PCDH9: variants seen among roughly 807,000 people sequenced by gnomAD.
The protein encoded by PCDH9 is protocadherin 9.
Under a neutral mutation model 70.6 loss-of-function variants are expected in PCDH9, and 24 were observed. That is an observed-to-expected ratio of 0.34 (90% CI 0.25 to 0.48). The LOEUF (loss-of-function observed/expected upper bound fraction) is 0.48. Among genes scored for constraint, PCDH9 ranks in the 20% least tolerant of loss-of-function variants. The probability of loss-of-function intolerance (pLI) is 0.99; values close to 1 mark genes in which losing one functional copy is unlikely to be tolerated. For missense variants in PCDH9, 1,281 were observed against 1,503.6 expected, an observed-to-expected ratio of 0.85 and a Z score of 2.45; for synonymous variants, 562 against 558.5, an observed-to-expected ratio of 1.01 and a Z score of -0.09.
chr13:66,574,984 C>T (rs1430398628), intron 4 of PCDH9, among the ~76,000 whole-genome samples: 3 of 152,034 alleles, frequency 2.0e-5, no homozygotes, highest in African/African-American at 7.2e-5. Flanking sequence ...ACCAACCTGG[C>T]CAACATGGTG....
At chr13:66,315,576 G>A (rs1312656321) in intron 4 of PCDH9, among the ~76,000 whole-genome samples, 1 of 152,118 alleles carries the variant, frequency 6.6e-6, no homozygotes, top group East Asian at 1.9e-4. Flanking sequence ...CTGTTCCCCA[G>A]GTTCAAGTGA....
At chr13:66,985,219 A>G (rs1354376345) in intron 2 of PCDH9, among the ~76,000 whole-genome samples, 3 of 152,114 alleles carry the variant, frequency 2.0e-5, no homozygotes, top group African/African-American at 7.2e-5. Context: ...AAGAATATAT[A>G]TTCTTTCTGT....
Position 66,440,269 on chromosome 13 carries a change from A to G in PCDH9, c.3341-135241T>C, listed in dbSNP as rs146955026. Reference sequence around the variant, plus strand: ...GAGTGTCTCAGATAATTTTCCTTACACACTTAACTGTTTGATCCATGCAGG... The same window carrying G: ...GAGTGTCTCAGATAATTTTCCTTACGCACTTAACTGTTTGATCCATGCAGG... On this transcript the variant is annotated intron_variant, in intron 4 of 4. Transcript: ENST00000377865. Among the ~76,000 whole-genome samples, 8 of 152,224 alleles carry G rather than the reference A, an allele frequency of 5.3e-5. No homozygotes were observed. In the South Asian group the frequency reaches 1.5e-3, roughly 28 times the overall value.
At chr13:67,052,787 G>A (rs949117985) in intron 2 of PCDH9, among the ~76,000 whole-genome samples, 1 of 152,052 alleles carries the variant, frequency 6.6e-6, no homozygotes, top group African/African-American at 2.4e-5. Context: ...CGGTGGAGGC[G>A]GAAGGTGGGG....
chr13:66,762,508 G>T (rs2079645560), intron 3 of PCDH9, among the ~76,000 whole-genome samples: 6 of 151,972 alleles, frequency 3.9e-5, no homozygotes. Context: ...GCACTTCCTG[G>T]GTTGGTGGAG....
intron 3 of PCDH9, among the ~76,000 whole-genome samples, chr13:66,883,366 TGTG>T (rs1171769155): frequency 7.3e-6 from 1 of 136,218 alleles, no homozygotes; most frequent in Non-Finnish European, 1.7e-5. Context: ...TCAGCACTAA[TGTG>T]TGTGTGTGTG....
chr13:66,477,252 A>G (rs111467079), intron 4 of PCDH9, among the ~76,000 whole-genome samples: 36 of 152,236 alleles, frequency 2.4e-4, no homozygotes, highest in African/African-American at 6.5e-4. Context: ...TATAAGCTAT[A>G]TGGCTTGGGC....
At chr13:67,188,389 AC>A (rs1398427746) in intron 2 of PCDH9, among the ~76,000 whole-genome samples, 1 of 152,116 alleles carries the variant, frequency 6.6e-6, no homozygotes, top group African/African-American at 2.4e-5. Context: ...ATATTTTGGT[AC>A]TTTTATCTTG....
At chr13:66,496,990 C>T (rs1189474786) in intron 4 of PCDH9, among the ~76,000 whole-genome samples, 1 of 152,082 alleles carries the variant, frequency 6.6e-6, no homozygotes, top group South Asian at 2.1e-4. Flanking sequence ...ATTTTCCTCC[C>T]GACCCCTAAA....
At chr13:66,418,083 T>A (rs1292001304) in intron 4 of PCDH9, among the ~76,000 whole-genome samples, 2 of 152,214 alleles carry the variant, frequency 1.3e-5, no homozygotes, top group African/African-American at 4.8e-5. Context: ...TCCTTGCCCA[T>A]GCCTATGTCC....
intron 4 of PCDH9, among the ~76,000 whole-genome samples, chr13:66,543,102 C>T (rs111229628): frequency 1.1e-4 from 16 of 152,022 alleles, no homozygotes; most frequent in South Asian, 2.1e-4. Context: ...TTACTCCATT[C>T]TATATTCTCA....
intron 2 of PCDH9, among the ~76,000 whole-genome samples, chr13:67,200,777 G>C (rs924530774): frequency 6.6e-6 from 1 of 152,044 alleles, no homozygotes; most frequent in Non-Finnish European, 1.5e-5. Flanking sequence ...CTGGGGTTGG[G>C]AGAGTGAGGG....
At chr13:66,881,816 C>T (rs1415945364) in intron 3 of PCDH9, among the ~76,000 whole-genome samples, 2 of 151,936 alleles carry the variant, frequency 1.3e-5, no homozygotes, top group African/African-American at 4.8e-5. Context: ...AGAAATAAAA[C>T]AGTGTGTATA....
chr13:66,756,549 T>C (rs535209801), intron 3 of PCDH9, among the ~76,000 whole-genome samples: 216 of 152,208 alleles, frequency 1.4e-3, no homozygotes, highest in African/African-American at 4.8e-3. Flanking sequence ...AAGCCTTTTG[T>C]AGGATAATCT....
intron 4 of PCDH9, among the ~76,000 whole-genome samples, chr13:66,588,489 G>A (rs965463682): frequency 6.2e-4 from 13 of 21,050 alleles, no homozygotes; most frequent in South Asian, 5.3e-3. Context: ...AGGAGAGAAC[G>A]TCATATATAT....
intron 4 of PCDH9, among the ~76,000 whole-genome samples, chr13:66,489,330 T>C (rs1231970755): frequency 6.6e-6 from 1 of 152,228 alleles, no homozygotes; most frequent in Non-Finnish European, 1.5e-5. Context: ...CTCTGGCAAA[T>C]TTTTGTTTGA....
chr13:66,511,215 CA>C (rs1245282605), intron 4 of PCDH9, among the ~76,000 whole-genome samples: 1 of 152,048 alleles, frequency 6.6e-6, no homozygotes, highest in East Asian at 1.9e-4. Context: ...TGTATGAATA[CA>C]AAAATTTTTA....
intron 3 of PCDH9, among the ~76,000 whole-genome samples, chr13:66,632,432 A>G (rs2077583690): frequency 6.6e-6 from 1 of 152,150 alleles, no homozygotes; most frequent in African/African-American, 2.4e-5. Context: ...CCCAGCTATC[A>G]CTCTAATCTT....
At chr13:67,168,515 C>G (rs918631519) in intron 2 of PCDH9, among the ~76,000 whole-genome samples, 2 of 152,050 alleles carry the variant, frequency 1.3e-5, no homozygotes, top group African/African-American at 2.4e-5. Context: ...TTGCTTGAGC[C>G]CAGGAGTTCA....
Sources: allele counts gnomAD v4.1 joint callset (sites outside exome capture counted in the v4.1 genomes callset), GRCh38; gene constraint gnomAD v4.1.1; transcripts MANE v1.5; gene names NCBI Gene and HGNC (gene_info 2026-07-23, HGNC 2026-07-21).